Variants in MACROD2 observed in about 807,000 individuals in gnomAD.
The protein encoded by MACROD2 is mono-ADP ribosylhydrolase 2, also known as ADP-ribose glycohydrolase MACROD2.
MACROD2 carries 36 observed loss-of-function variants against 70.4 expected under a neutral mutation model. That is an observed-to-expected ratio of 0.51 (90% CI 0.39 to 0.68). The LOEUF (loss-of-function observed/expected upper bound fraction) is 0.68. MACROD2 is among the 30% of genes least tolerant of loss of function. MACROD2 has a pLI of 0.00. For synonymous variants in MACROD2, 172 were observed against 178.8 expected, an observed-to-expected ratio of 0.96 and a Z score of 0.30; for missense variants, 496 against 538.4, an observed-to-expected ratio of 0.92 and a Z score of 0.78.
At chr20:15,539,936 C>A (rs2047932205) in intron 8 of MACROD2, among the ~76,000 whole-genome samples, 1 of 152,186 alleles carries the variant, frequency 6.6e-6, no homozygotes, top group African/African-American at 2.4e-5. Flanking sequence ...TGAAGTGAGC[C>A]AAGATCGTGC....
chr20:14,952,171 A>G (rs1163773038), intron 5 of MACROD2, among the ~76,000 whole-genome samples: 2 of 152,156 alleles, frequency 1.3e-5, no homozygotes, highest in African/African-American at 2.4e-5. Flanking sequence ...TGGAATTTGC[A>G]TGATTTTGTA....
In MACROD2 at chr20:14,881,845, A is replaced by C. The variant is rs75711032; in HGVS notation, c.418+196886A>C. Among the ~76,000 whole-genome samples the C allele has an allele frequency of 3.6e-3, 552 of 152,218 alleles. 13 individuals are homozygous for C. The East Asian group carries it at 0.064, about 18-fold the overall frequency. ...GTTCCTGGAAATTCTGATCCAATTC[A>C]AGTCCCTGCTACCTAGGTTTACCTC... On this transcript the variant is annotated intron_variant, in intron 5 of 17. Coordinates refer to ENST00000684519, the MANE Select transcript of MACROD2 (RefSeq NM_001351661.2).
At chr20:15,514,570 A>G (rs2047542489) in intron 8 of MACROD2, among the ~76,000 whole-genome samples, 2 of 152,226 alleles carry the variant, frequency 1.3e-5, no homozygotes, top group Non-Finnish European at 1.5e-5. Flanking sequence ...AGTATACTCT[A>G]TGATGTTCAA....
intron 8 of MACROD2, among the ~76,000 whole-genome samples, chr20:15,742,293 A>G (rs1192118732): frequency 6.6e-6 from 1 of 152,202 alleles, no homozygotes; most frequent in Non-Finnish European, 1.5e-5. Flanking sequence ...GTGAGATCCA[A>G]GAAATCTTAA....
chr20:14,747,271 T>A (rs979763200), intron 5 of MACROD2, among the ~76,000 whole-genome samples: 2 of 152,030 alleles, frequency 1.3e-5, no homozygotes, highest in African/African-American at 2.4e-5. Context: ...CCATCAACAG[T>A]GACTGTGATT....
chr20:14,729,244 C>G (rs374550531), intron 5 of MACROD2, among the ~76,000 whole-genome samples: 12 of 152,118 alleles, frequency 7.9e-5, no homozygotes, highest in Non-Finnish European at 5.9e-5. Context: ...CAGATATGCT[C>G]TAGTAGCAGA....
At chr20:15,213,338 A>G (rs762385905) in intron 5 of MACROD2, among the ~76,000 whole-genome samples, 1 of 151,622 alleles carries the variant, frequency 6.6e-6, no homozygotes, top group Non-Finnish European at 1.5e-5. Flanking sequence ...GATCTGTTAT[A>G]TTTTCTTCTT....
chr20:14,654,782 G>A (rs1431416801), intron 4 of MACROD2, among the ~76,000 whole-genome samples: 1 of 152,092 alleles, frequency 6.6e-6, no homozygotes, highest in Non-Finnish European at 1.5e-5. Flanking sequence ...AAAAACAAGA[G>A]CTCTCTATTT....
chr20:15,039,293 A>G (rs925495388), intron 5 of MACROD2, among the ~76,000 whole-genome samples: 1 of 152,214 alleles, frequency 6.6e-6, no homozygotes, highest in Non-Finnish European at 1.5e-5. Flanking sequence ...TCTGTGTAGC[A>G]TTCCTTTGCC....
At chr20:14,990,587 C>A (rs972230064) in intron 5 of MACROD2, among the ~76,000 whole-genome samples, 8 of 149,274 alleles carry the variant, frequency 5.4e-5, no homozygotes, top group Non-Finnish European at 1.2e-4. Context: ...GATCTCGACT[C>A]ACTGAAACCT....
chr20:14,131,397 A>G (rs1213667765), intron 3 of MACROD2, among the ~76,000 whole-genome samples: 1 of 152,342 alleles, frequency 6.6e-6, no homozygotes, highest in East Asian at 1.9e-4. Flanking sequence ...TTTATCCAAA[A>G]TAAGCTAGAT....
intron 10 of MACROD2, among the ~76,000 whole-genome samples, chr20:15,905,114 A>G (rs948236958): frequency 6.6e-6 from 1 of 152,168 alleles, no homozygotes; most frequent in Non-Finnish European, 1.5e-5. Flanking sequence ...ATGAAAATTG[A>G]TTCTTTATGA....
At chr20:15,247,093 G>A (rs1189965117) in intron 6 of MACROD2, among the ~76,000 whole-genome samples, 6 of 152,088 alleles carry the variant, frequency 3.9e-5, no homozygotes, top group Non-Finnish European at 7.4e-5. Flanking sequence ...TTGAGGTGAT[G>A]GAAATGATCT....
intron 8 of MACROD2, among the ~76,000 whole-genome samples, chr20:15,639,557 G>A (rs1266711360): frequency 6.6e-6 from 1 of 152,168 alleles, no homozygotes; most frequent in Non-Finnish European, 1.5e-5. Context: ...CCCCTGCAGA[G>A]CCAGGCACAG....
intron 4 of MACROD2, among the ~76,000 whole-genome samples, chr20:14,655,065 T>C (rs1292598912): frequency 6.6e-6 from 1 of 152,194 alleles, no homozygotes; most frequent in Non-Finnish European, 1.5e-5. Context: ...ATATTTTCTC[T>C]GACTATAGTT....
chr20:14,089,649 A>G (rs2054122667), intron 3 of MACROD2, among the ~76,000 whole-genome samples: 1 of 152,226 alleles, frequency 6.6e-6, no homozygotes, highest in Non-Finnish European at 1.5e-5. Flanking sequence ...ATGTTTTAAT[A>G]AAACAGATTT....
At chr20:14,466,391 C>T (rs1011306469) in intron 3 of MACROD2, among the ~76,000 whole-genome samples, 1 of 152,074 alleles carries the variant, frequency 6.6e-6, no homozygotes, top group African/African-American at 2.4e-5. Context: ...CCATCAGGTC[C>T]TTTAAGGACT....
At chr20:14,078,445 C>G (rs1015036530) in intron 2 of MACROD2, among the ~76,000 whole-genome samples, 1 of 151,326 alleles carries the variant, frequency 6.6e-6, no homozygotes, top group Non-Finnish European at 1.5e-5. Context: ...TCGCTCTTAT[C>G]CCCCAGGCTG....
intron 8 of MACROD2, among the ~76,000 whole-genome samples, chr20:15,811,568 C>G (rs2063821919): frequency 6.6e-6 from 1 of 151,978 alleles, no homozygotes; most frequent in South Asian, 2.1e-4. Context: ...TTAAATTTAC[C>G]TAGTTATTTG....
Sources: allele counts gnomAD v4.1 joint callset (sites outside exome capture counted in the v4.1 genomes callset), GRCh38; gene constraint gnomAD v4.1.1; transcripts MANE v1.5; gene names NCBI Gene and HGNC (gene_info 2026-07-23, HGNC 2026-07-21).